Variants in PCNT observed in about 807,000 individuals in gnomAD.
PCNT encodes the protein pericentrin.
Under a neutral mutation model 380.4 loss-of-function variants are expected in PCNT, and 319 were observed. That is an observed-to-expected ratio of 0.84 (90% confidence interval 0.77 to 0.92). The LOEUF (loss-of-function observed/expected upper bound fraction) is 0.92. PCNT is among the 40% of genes least tolerant of loss of function. The pLI, the probability that PCNT is intolerant of heterozygous loss-of-function variation, is 0.00. For synonymous variants in PCNT, 1,845 were observed against 1,735.2 expected (o/e 1.06, Z -1.57); for missense variants, 4,400 against 4,255.3 (o/e 1.03, Z -0.95).
chr21:46,397,482 G>T lies in PCNT; in HGVS notation c.4434G>T (p.Arg1478=), dbSNP rs780830700. Reference sequence around the variant, plus strand: ...TGGACAAGCATTTGCGCAACCAGCGGCAATTCATGGATGTAAGAATTCTGA... The same window carrying T: ...TGGACAAGCATTTGCGCAACCAGCGTCAATTCATGGATGTAAGAATTCTGA... ...ASLDKHLRNQ[R]QFMDEQAAER... is the part of the protein sequence containing the mutation. The change falls in exon 22 of 47, where the codon CGG becomes CGT. Residue 1478 remains arginine, a synonymous_variant. Coordinates refer to ENST00000359568, the MANE Select transcript of PCNT (RefSeq NM_006031.6). 1 of 1,613,220 alleles carries T rather than the reference G, an allele frequency of 6.2e-7. No homozygotes were observed. The highest frequency in any genetic ancestry group is 1.3e-5 in the African/African-American group (1 of 74,938).
In PCNT at chr21:46,402,317, T is replaced by G. The variant is rs1277845003; in HGVS notation, c.4963-14T>G. ...ATGACTTTTAATACTTTTCTTCTTT[T>G]GTTTTAATGAAAGGTTTTGGACTTA... On this transcript the variant is annotated splice_polypyrimidine_tract_variant and intron_variant, in intron 26 of 46. Transcript: ENST00000359568. 2 of 1,560,014 alleles carry G rather than the reference T, an allele frequency of 1.3e-6. No individual in the cohort carries two copies. The highest frequency in any genetic ancestry group is 2.7e-5 in the African/African-American group (2 of 73,704).
intron 14 of PCNT, among the ~76,000 whole-genome samples, chr21:46,365,494 G>C (rs1422725613): frequency 8.6e-6 from 1 of 115,744 alleles, no homozygotes. Flanking sequence ...TCTGATCACT[G>C]CCGTGGGGTT....
intron 15 of PCNT, among the ~76,000 whole-genome samples, chr21:46,381,026 A>G (rs1258064758): frequency 6.6e-6 from 1 of 151,890 alleles, no homozygotes; most frequent in Non-Finnish European, 1.5e-5. Context: ...AAATTACAAA[A>G]ATTAGTTGAG....
intron 3 of PCNT, among the ~76,000 whole-genome samples, chr21:46,339,286 G>A (rs796590357): frequency 1.4e-4 from 22 of 152,178 alleles, no homozygotes; most frequent in African/African-American, 5.1e-4. Context: ...CTTGCTTGCC[G>A]GTGGTTTCGC....
intron 15 of PCNT, among the ~76,000 whole-genome samples, chr21:46,378,810 G>A (rs528427845): frequency 9.9e-5 from 15 of 152,192 alleles, no homozygotes; most frequent in Non-Finnish European, 1.8e-4. Context: ...AAAACCATTT[G>A]CTAATGTAGC....
chr21:46,337,819 T>A (rs919945903), intron 3 of PCNT, among the ~76,000 whole-genome samples: 26 of 151,954 alleles, frequency 1.7e-4, no homozygotes, highest in African/African-American at 6.0e-4. Context: ...CAACCTCAGG[T>A]GATCCGCCCC....
At chr21:46,386,422 G>A (rs752059337) in intron 17 of PCNT, among the ~76,000 whole-genome samples, 3 of 152,238 alleles carry the variant, frequency 2.0e-5, no homozygotes, top group Non-Finnish European at 4.4e-5. Context: ...TGTGACGTGT[G>A]TTTCTGAGAC....
In PCNT at chr21:46,438,997, A is replaced by G. The variant is rs565342770; in HGVS notation, c.9273+660A>G. On this transcript the variant is annotated intron_variant, in intron 41 of 46. Transcript: ENST00000359568. ...AGTGACTTATAATTTTCATAATGGTATAGTTGGATAGAGTTATCTTCCGGA... is the reference window on the plus strand; with the variant it reads ...AGTGACTTATAATTTTCATAATGGTGTAGTTGGATAGAGTTATCTTCCGGA... Among the ~76,000 whole-genome samples the G allele has an allele frequency of 1.2e-4, 19 of 152,182 alleles. No homozygotes were observed. The South Asian group carries it at 2.5e-3, about 20-fold the overall frequency.
chr21:46,385,773 C>A, intron 16 of PCNT, 59 bp from the exon 17 acceptor site: 1 of 1,560,174 alleles, frequency 6.4e-7, no homozygotes, highest in Non-Finnish European at 8.8e-7. Context: ...AAGTCCCTTA[C>A]AGCCATTTGC....
chr21:46,346,925 C>T lies in PCNT; in HGVS notation c.903C>T (p.His301=), dbSNP rs1020485115. 20 of 1,599,464 alleles carry T rather than the reference C, an allele frequency of 1.3e-5. No individual in the cohort carries two copies. Among genetic ancestry groups the T allele is most frequent in the Admixed American group, 1.2e-4 (7 of 57,006 alleles). ...ELALLQSRQQ[H]ELELLREQHA... is the part of the protein sequence containing the mutation. ...CCCTGCTACAGAGCAGGCAGCAGCACGAGCTGGAGCTCCTCAGGGAGCAGC... is the reference window on the plus strand; with the variant it reads ...CCCTGCTACAGAGCAGGCAGCAGCATGAGCTGGAGCTCCTCAGGGAGCAGC... The change falls in exon 5 of 47, where the codon CAC becomes CAT. Residue 301 remains histidine, a synonymous_variant. Coordinates refer to ENST00000359568, the MANE Select transcript of PCNT (RefSeq NM_006031.6).
intron 15 of PCNT, among the ~76,000 whole-genome samples, chr21:46,371,220 T>TC (rs2085116039): frequency 6.0e-5 from 9 of 150,300 alleles, no homozygotes; most frequent in Admixed American, 4.6e-4. Flanking sequence ...CTTTCTTTTT[T>TC]TTTTTTTTTT....
At chr21:46,413,317 G>C (rs1400461591) in intron 29 of PCNT, among the ~76,000 whole-genome samples, 1 of 94,424 alleles carries the variant, frequency 1.1e-5, no homozygotes, top group African/African-American at 5.5e-5. Flanking sequence ...AAGGCACGAG[G>C]CCCACCCGGG....
intron 11 of PCNT, among the ~76,000 whole-genome samples, chr21:46,354,837 A>G (rs964938212): frequency 1.3e-5 from 2 of 152,160 alleles, no homozygotes; most frequent in African/African-American, 4.8e-5. Context: ...GGACCCCAAC[A>G]CAGAATTTGC....
Position 46,430,618 on chromosome 21 carries a change from G to A in PCNT, c.8025G>A (p.Arg2675=), listed in dbSNP as rs746689181. Residue 2675 remains arginine (R), a synonymous_variant, in exon 37 of 47, where the codon CGG becomes CGA. Coordinates refer to ENST00000359568, the MANE Select transcript of PCNT (RefSeq NM_006031.6). ...LQSQLEEEQL[R]HLQRESQSAK... ...GCCAGCTGGAGGAGGAGCAGCTGCG[G>A]CACCTGCAGAGGGAGAGCCAGAGTG... 2.5e-6 allele frequency: 4 copies of A among 1,569,994 alleles called. No individual in the cohort carries two copies. In the African/African-American group the frequency reaches 5.4e-5, roughly 21 times the overall value.
chr21:46,401,299 A>T (rs1205148800), intron 25 of PCNT, among the ~76,000 whole-genome samples: 3 of 152,210 alleles, frequency 2.0e-5, no homozygotes, highest in Non-Finnish European at 4.4e-5. Flanking sequence ...ATTACTGTAG[A>T]TAAATTCCTC....
At chr21:46,324,378 T>A in intron 1 of PCNT, 96 bp downstream of exon 1, 1 of 1,103,890 alleles carries the variant, frequency 9.1e-7, no homozygotes, top group African/African-American at 1.5e-5. Context: ...GAGGACGCGG[T>A]CCGGCGGAAG....
At chr21:46,392,792 C>T (rs1388097869) in intron 21 of PCNT, among the ~76,000 whole-genome samples, 1 of 152,210 alleles carries the variant, frequency 6.6e-6, no homozygotes, top group African/African-American at 2.4e-5. Flanking sequence ...TGGTTCATTT[C>T]TGTCATTCTC....
At chr21:46,380,484 C>T (rs182493900) in intron 15 of PCNT, among the ~76,000 whole-genome samples, 160 of 151,974 alleles carry the variant, frequency 1.1e-3, no homozygotes, top group African/African-American at 3.2e-3. Flanking sequence ...TTTTTGACAC[C>T]GAGAGCTCTG....
intron 15 of PCNT, among the ~76,000 whole-genome samples, chr21:46,374,225 C>A (rs770091931): frequency 6.6e-6 from 1 of 152,098 alleles, no homozygotes; most frequent in African/African-American, 2.4e-5. Flanking sequence ...TACATCAGTC[C>A]CCCTCTCCTC....
Sources: allele counts gnomAD v4.1 joint callset (sites outside exome capture counted in the v4.1 genomes callset), GRCh38; gene constraint gnomAD v4.1.1; transcripts MANE v1.5; gene names NCBI Gene and HGNC (gene_info 2026-07-23, HGNC 2026-07-21).